Variants in NHSL1 observed in about 807,000 individuals in gnomAD.
NHSL1 encodes the protein NHS-like protein 1.
Under a neutral mutation model 95.0 loss-of-function variants are expected in NHSL1, and 48 were observed. The ratio of observed to expected loss-of-function variants is 0.51; its 90% CI spans 0.40 to 0.64. The LOEUF is 0.64. Ranked by LOEUF, NHSL1 falls within the 30% of genes least tolerant of loss-of-function variation. The probability of loss-of-function intolerance (pLI) is 0.00; values close to 1 mark genes in which losing one functional copy is unlikely to be tolerated. For synonymous variants in NHSL1, 783 were observed against 833.9 expected, an observed-to-expected ratio of 0.94 and a Z score of 1.05; for missense variants, 1,971 against 2,077.7, an observed-to-expected ratio of 0.95 and a Z score of 1.00.
intron 1 of NHSL1, among the ~76,000 whole-genome samples, chr6:138,592,223 C>T (rs1784240676): frequency 6.6e-6 from 1 of 152,158 alleles, no homozygotes; most frequent in East Asian, 1.9e-4. Context: ...ACCCACATCT[C>T]AAGGTCAATT....
chr6:138,499,594 A>G (rs1176991910), upstream of NHSL1: 8 of 285,694 alleles, frequency 2.8e-5, no homozygotes, highest in Middle Eastern at 2.6e-3. Flanking sequence ...TATTTGCATG[A>G]CAGCCACATC....
chr6:138,576,527 C>T (rs1412444958), upstream of NHSL1, among the ~76,000 whole-genome samples: 2 of 152,220 alleles, frequency 1.3e-5, no homozygotes, highest in African/African-American at 2.4e-5. Flanking sequence ...CTGCTGTCAT[C>T]ACATGTGCCA....
chr6:138,509,170 A>C (rs1781103504), intron 1 of NHSL1, among the ~76,000 whole-genome samples: 1 of 152,204 alleles, frequency 6.6e-6, no homozygotes. Context: ...ATTAAAATTT[A>C]TTTCCTGTGC....
chr6:138,676,093 G>A (rs1025149924), intron 1 of NHSL1, among the ~76,000 whole-genome samples: 1 of 152,092 alleles, frequency 6.6e-6, no homozygotes, highest in Admixed American at 6.6e-5. Context: ...GATTTTACTG[G>A]ATCTCGATTT....
At chr6:138,478,496 A>G (rs1779227612) in intron 2 of NHSL1, among the ~76,000 whole-genome samples, 1 of 152,100 alleles carries the variant, frequency 6.6e-6, no homozygotes, top group African/African-American at 2.4e-5. Context: ...TCAAGTTGCA[A>G]CAGAGCTCAG....
chr6:138,685,200 T>G (rs1174312006), intron 1 of NHSL1, among the ~76,000 whole-genome samples: 1 of 152,218 alleles, frequency 6.6e-6, no homozygotes, highest in African/African-American at 2.4e-5. Flanking sequence ...AGCAGAAAAC[T>G]AGATTACGGC....
At chr6:138,554,106 A>C (rs1783108831) in intron 1 of NHSL1, among the ~76,000 whole-genome samples, 1 of 152,206 alleles carries the variant, frequency 6.6e-6, no homozygotes, top group South Asian at 2.1e-4. Context: ...GGAGAGAAAA[A>C]CAAAACCACT....
chr6:138,686,098 T>C (rs1474781820), intron 1 of NHSL1, among the ~76,000 whole-genome samples: 1 of 152,154 alleles, frequency 6.6e-6, no homozygotes. Flanking sequence ...TCAAGAGATC[T>C]ATAATCAACA....
intron 3 of NHSL1, among the ~76,000 whole-genome samples, chr6:138,455,461 CAAGGAGCCCCGCCTTCACATGCTCCCTG>C (rs1562287577): frequency 0.019 from 1,384 of 71,332 alleles, 35 homozygotes; most frequent in African/African-American, 0.062. Context: ...AAATGAGCTG[CAAGGAGCCCCGCCTTCACATGCTCCCTG>C]CAAGGAGCCC....
At chr6:138,679,540 G>GA (rs1425679535) in intron 1 of NHSL1, among the ~76,000 whole-genome samples, 1 of 152,158 alleles carries the variant, frequency 6.6e-6, no homozygotes, top group African/African-American at 2.4e-5. Context: ...GTAATTGATA[G>GA]AAAAACACAT....
chr6:138,607,532 T>C (rs1449490883), intron 1 of NHSL1, among the ~76,000 whole-genome samples: 1 of 152,188 alleles, frequency 6.6e-6, no homozygotes, highest in Admixed American at 6.5e-5. Flanking sequence ...GAGTTGGAAG[T>C]GAGATGGAAT....
intron 1 of NHSL1, among the ~76,000 whole-genome samples, chr6:138,610,560 T>TA (rs1554256222): frequency 0.021 from 1,352 of 64,546 alleles, 29 homozygotes; most frequent in African/African-American, 0.092. Context: ...TATATATATA[T>TA]TATATATATA....
chr6:138,465,972 C>T (rs1297871044), intron 3 of NHSL1, among the ~76,000 whole-genome samples: 1 of 150,404 alleles, frequency 6.6e-6, no homozygotes, highest in Non-Finnish European at 1.5e-5. Context: ...GATACACCCA[C>T]CTCGGACTTC....
chr6:138,641,168 T>C (rs2114684360), intron 1 of NHSL1, among the ~76,000 whole-genome samples: 1 of 152,334 alleles, frequency 6.6e-6, no homozygotes, highest in African/African-American at 2.4e-5. Flanking sequence ...CCAGGCGTGG[T>C]GGCATGTGCC....
intron 1 of NHSL1, among the ~76,000 whole-genome samples, chr6:138,528,886 C>T (rs72975231): frequency 1.3e-5 from 2 of 152,164 alleles, no homozygotes; most frequent in African/African-American, 2.4e-5. Context: ...GTTTGAGGTT[C>T]GAGGGAGCCT....
chr6:138,617,738 G>T (rs1410115540), intron 1 of NHSL1, among the ~76,000 whole-genome samples: 1 of 152,226 alleles, frequency 6.6e-6, no homozygotes, highest in Non-Finnish European at 1.5e-5. Context: ...GAATTCTACG[G>T]AACTGCAGGT....
intron 1 of NHSL1, among the ~76,000 whole-genome samples, chr6:138,593,860 A>G (rs1391298836): frequency 3.3e-5 from 5 of 152,198 alleles, no homozygotes; most frequent in Non-Finnish European, 7.3e-5. Context: ...GATTTTAAAG[A>G]GAGGTTCAGC....
intron 1 of NHSL1, among the ~76,000 whole-genome samples, chr6:138,675,006 T>C (rs1171478729): frequency 6.6e-6 from 1 of 150,532 alleles, no homozygotes; most frequent in Non-Finnish European, 1.5e-5. Flanking sequence ...ATGAGAACTA[T>C]GATCCTGTCA....
rs773461357 is a variant in NHSL1 at position 138,496,265 on chromosome 6, C to T, written c.165G>A (p.Glu55=). 11 of 1,551,030 alleles carry T rather than the reference C, an allele frequency of 7.1e-6. No individual in the cohort carries two copies. Among genetic ancestry groups the T allele is most frequent in the Non-Finnish European group, 9.6e-6 (11 of 1,146,850 alleles). The part of the protein sequence containing the change: ...FLPTTRPPCV[E]DLHRQAKLNL... ...TGAGCTTGGCTTGGCGGTGCAGGTC[C>T]TCAACACAGGGGGGTCTTGTGGTGG... Residue 55 remains glutamate (E), a synonymous_variant, in exon 2 of 8, where the codon GAG becomes GAA. Transcript: ENST00000343505.
Sources: allele counts gnomAD v4.1 joint callset (sites outside exome capture counted in the v4.1 genomes callset), GRCh38; gene constraint gnomAD v4.1.1; transcripts MANE v1.5; gene names NCBI Gene and HGNC (gene_info 2026-07-23, HGNC 2026-07-21).